MSH3: variants seen among roughly 807,000 people sequenced by gnomAD.
MSH3 encodes DNA mismatch repair protein Msh3.
Under a neutral mutation model 123.3 loss-of-function variants are expected in MSH3, and 106 were observed. The ratio of observed to expected loss-of-function variants is 0.86; its 90% CI spans 0.73 to 1.01. MSH3 has a LOEUF of 1.01. MSH3 is among the 50% of genes least tolerant of loss of function. The pLI is 0.00. For synonymous variants in MSH3, 515 were observed against 481.4 expected (o/e 1.07, Z -0.91); for missense variants, 1,459 against 1,347.6 (o/e 1.08, Z -1.29).
At chr5:80,728,237 C>G (rs1212893497) in intron 9 of MSH3, among the ~76,000 whole-genome samples, 2 of 152,034 alleles carry the variant, frequency 1.3e-5, no homozygotes, top group Non-Finnish European at 2.9e-5. Flanking sequence ...TTAAGAATAC[C>G]CTGTAGGGTG....
chr5:80,875,799 A>G lies in MSH3; in HGVS notation c.3351A>G (p.Gln1117=), dbSNP rs1405680669. The change falls in exon 24 of 24, where the codon CAA becomes CAG. Residue 1117 remains glutamine, a synonymous_variant. Transcript: ENST00000265081. Reference sequence around the variant, plus strand: ...AGTTATGGACGATGCATAATGCACAAGACCTGCAGAAGTGGACAGAGGAGT... The same window carrying G: ...AGTTATGGACGATGCATAATGCACAGGACCTGCAGAAGTGGACAGAGGAGT... The part of the protein sequence containing the change: ...FAKLWTMHNA[Q]DLQKWTEEFN... The G allele has an allele frequency of 1.2e-6, 2 of 1,614,082 alleles. No individual in the cohort carries two copies. Among genetic ancestry groups the G allele is most frequent in the South Asian group, 1.1e-5 (1 of 91,088 alleles).
chr5:80,870,618 A>C (rs958778527), intron 22 of MSH3, among the ~76,000 whole-genome samples: 1 of 152,150 alleles, frequency 6.6e-6, no homozygotes, highest in African/African-American at 2.4e-5. Flanking sequence ...TTGCAACGGA[A>C]GTTTAGGTCT....
intron 12 of MSH3, among the ~76,000 whole-genome samples, chr5:80,747,984 C>T (rs1743752254): frequency 6.6e-6 from 1 of 152,204 alleles, no homozygotes; most frequent in Admixed American, 6.5e-5. Flanking sequence ...TTTATACTGA[C>T]ATAAGTGCCT....
chr5:80,695,269 GTTTCC>G lies in MSH3; in HGVS notation c.1340+16178_1340+16182del, dbSNP rs1323535991. Among the ~76,000 whole-genome samples, 9 of 151,442 alleles carry G rather than the reference GTTTCC, an allele frequency of 5.9e-5. No individual in the cohort carries two copies. In the East Asian group the frequency reaches 1.7e-3, roughly 29 times the overall value. ...TTTCATTTCACTGATTGTTTCATCT[GTTTCC>G]TCTATTGTGCTGTTGAGTGCATCCA... On this transcript the variant is annotated intron_variant, in intron 8 of 23. Transcript: ENST00000265081.
At chr5:80,774,921 ATAATT>A (rs1744273263) in intron 15 of MSH3, among the ~76,000 whole-genome samples, 1 of 152,210 alleles carries the variant, frequency 6.6e-6, no homozygotes, top group African/African-American at 2.4e-5. Context: ...ATAATCAATA[ATAATT>A]TAATTGTACA....
chr5:80,779,532 T>TA (rs151264470), intron 17 of MSH3, among the ~76,000 whole-genome samples: 1,939 of 150,676 alleles, frequency 0.013, 17 homozygotes, highest in Non-Finnish European at 0.02. Flanking sequence ...TTATTACATC[T>TA]AAAAAAAATT....
At chr5:80,815,820 A>C (rs1242258211) in intron 20 of MSH3, among the ~76,000 whole-genome samples, 1 of 152,218 alleles carries the variant, frequency 6.6e-6, no homozygotes, top group Non-Finnish European at 1.5e-5. Flanking sequence ...CCAGCTTTTA[A>C]ATAGAGTTAA....
chr5:80,741,333 C>T, intron 10 of MSH3, 131 bp from the exon 11 acceptor site: 9 of 690,248 alleles, frequency 1.3e-5, no homozygotes, highest in Non-Finnish European at 2.1e-5. Flanking sequence ...TCATTTTGCT[C>T]CTTTTGTTTG....
Position 80,873,115 on chromosome 5 carries a change from G to A in MSH3, c.3131-1G>A, listed in dbSNP as rs763377072. The A allele has an allele frequency of 6.2e-7, 1 of 1,612,502 alleles. No individual in the cohort carries two copies. Among genetic ancestry groups the A allele is most frequent in the Non-Finnish European group, 8.5e-7 (1 of 1,178,812 alleles). ...TTTGATCTCCTTTCTTTATTTCACAGGCGCAGCAGAACAAGTCCCTGATTT... is the reference window on the plus strand; with the variant it reads ...TTTGATCTCCTTTCTTTATTTCACAAGCGCAGCAGAACAAGTCCCTGATTT... On this transcript the variant is annotated splice_acceptor_variant, in intron 22 of 23. Coordinates refer to ENST00000265081, the MANE Select transcript of MSH3 (RefSeq NM_002439.5). LOFTEE classifies it high-confidence loss of function.
intron 13 of MSH3, 75 bp from the exon 14 acceptor site, chr5:80,767,854 TCTAA>T: frequency 8.9e-7 from 1 of 1,117,394 alleles, no homozygotes; most frequent in East Asian, 2.5e-5. Flanking sequence ...CAATTCTGAT[TCTAA>T]CTTTTAAAAG....
chr5:80,788,676 G>A (rs765461304), intron 18 of MSH3, among the ~76,000 whole-genome samples: 1 of 151,848 alleles, frequency 6.6e-6, no homozygotes, highest in Non-Finnish European at 1.5e-5. Context: ...TGGGCGTGGT[G>A]GTGCACACCT....
intron 21 of MSH3, among the ~76,000 whole-genome samples, chr5:80,859,125 A>G (rs1745967680): frequency 6.6e-6 from 1 of 151,764 alleles, no homozygotes; most frequent in South Asian, 2.1e-4. Context: ...TCCTCCATAT[A>G]TATATATATA....
At chr5:80,772,927 T>C (rs900640975) in intron 15 of MSH3, among the ~76,000 whole-genome samples, 7 of 152,190 alleles carry the variant, frequency 4.6e-5, no homozygotes, top group African/African-American at 1.7e-4. Context: ...GGGGTTTAAC[T>C]TGTGCCTTCC....
intron 19 of MSH3, among the ~76,000 whole-genome samples, chr5:80,794,051 T>G (rs1406438351): frequency 1.3e-5 from 2 of 152,198 alleles, no homozygotes; most frequent in Non-Finnish European, 2.9e-5. Flanking sequence ...GGTGTGGTTA[T>G]TTGAAACCTA....
chr5:80,691,465 A>G (rs929947432), intron 8 of MSH3, among the ~76,000 whole-genome samples: 3 of 151,792 alleles, frequency 2.0e-5, no homozygotes, highest in African/African-American at 7.2e-5. Flanking sequence ...AAGATGCAAC[A>G]CGTTCATGAA....
chr5:80,840,749 C>G (rs1356320023), intron 20 of MSH3, among the ~76,000 whole-genome samples: 2 of 151,900 alleles, frequency 1.3e-5, no homozygotes, highest in African/African-American at 2.4e-5. Context: ...TCCCCCAGCC[C>G]CCTACCCCTA....
At position 80,854,192 on chromosome 5, in the gene MSH3, C is replaced by G. The variant is rs778941230; in HGVS notation, c.2876C>G (p.Thr959Arg). The change falls in exon 21 of 24, where the codon ACA (threonine) becomes AGA (arginine). Residue 959 changes from threonine (T) to arginine (R), a missense_variant. Thr to Arg is a moderately conservative substitution (Grantham distance 71). Coordinates refer to ENST00000265081, the MANE Select transcript of MSH3 (RefSeq NM_002439.5). ...QSTFMEELTD[T>R]AEIIRKATSQ... ...ACATTTATGGAAGAACTGACTGACA[C>G]AGCAGAAATAATCAGAAAAGCAACA... The G allele has an allele frequency of 7.3e-5, 118 of 1,613,642 alleles. No individual in the cohort carries two copies. Among genetic ancestry groups the G allele is most frequent in the Non-Finnish European group, 9.2e-5 (109 of 1,179,816 alleles).
intron 21 of MSH3, among the ~76,000 whole-genome samples, chr5:80,856,322 T>G (rs571521254): frequency 6.0e-4 from 91 of 152,186 alleles, no homozygotes; most frequent in African/African-American, 2.1e-3. Flanking sequence ...TTAAAAAATT[T>G]ATTTGCAAAA....
chr5:80,791,654 A>G (rs1420204447), intron 18 of MSH3, among the ~76,000 whole-genome samples: 1 of 152,174 alleles, frequency 6.6e-6, no homozygotes, highest in African/African-American at 2.4e-5. Context: ...TATTTGTGAA[A>G]TGACTTTAAA....
Sources: allele counts gnomAD v4.1 joint callset (sites outside exome capture counted in the v4.1 genomes callset), GRCh38; gene constraint gnomAD v4.1.1; transcripts MANE v1.5; gene names NCBI Gene and HGNC (gene_info 2026-07-23, HGNC 2026-07-21).